The following NCALD variants were observed in gnomAD, a reference collection of about 807,000 sequenced individuals.
NCALD encodes neurocalcin delta.
In NCALD, 10 loss-of-function variants were observed where a neutral mutation model predicts 18.6. That is an observed-to-expected ratio of 0.54 (90% confidence interval 0.33 to 0.91). The LOEUF is 0.91. Ranked by LOEUF, NCALD falls within the 40% of genes least tolerant of loss-of-function variation. NCALD has a pLI of 0.03. For synonymous variants in NCALD, 88 were observed against 87.4 expected, an observed-to-expected ratio of 1.01 and a Z score of -0.04; for missense variants, 184 against 247.6, an observed-to-expected ratio of 0.74 and a Z score of 1.72.
chr8:101,896,406 A>C (rs945918809), intron 3 of NCALD, among the ~76,000 whole-genome samples: 1 of 152,148 alleles, frequency 6.6e-6, no homozygotes, highest in Non-Finnish European at 1.5e-5. Flanking sequence ...TAAAACCATA[A>C]AAACCCTAGA....
intron 2 of NCALD, among the ~76,000 whole-genome samples, chr8:101,977,237 A>G (rs1820457352): frequency 7.1e-6 from 1 of 141,414 alleles, no homozygotes; most frequent in Admixed American, 6.9e-5. Context: ...TTTTACAGTG[A>G]AAAAAAAAAG....
chr8:101,692,094 T>C, intron 3 of NCALD: 1 of 973,688 alleles, frequency 1.0e-6, no homozygotes, highest in Non-Finnish European at 1.2e-6. Context: ...TAACAACTGT[T>C]GCTGTTTATC....
In NCALD at chr8:101,742,238, A is replaced by G. The variant is rs576584056; in HGVS notation, c.-19-22590T>C. Among the ~76,000 whole-genome samples the G allele has an allele frequency of 1.0e-3, 158 of 152,246 alleles. 1 individual carries two copies. The highest frequency in any genetic ancestry group is 3.7e-3 in the African/African-American group (153 of 41,550). ...TGAGACTCTGTCTCAAAGAAAAAAA[A>G]AAAGAAAGAAAGAAAAAGGAAATTC... On this transcript the variant is annotated intron_variant, in intron 1 of 3. Transcript: ENST00000220931.
intron 4 of NCALD, among the ~76,000 whole-genome samples, chr8:101,844,623 C>T (rs1056279113): frequency 1.3e-5 from 2 of 152,010 alleles, no homozygotes; most frequent in African/African-American, 2.4e-5. Context: ...AGCCTCCCAA[C>T]GTGCTGGGAT....
At chr8:102,042,942 TC>T (rs1222067594) in intron 1 of NCALD, among the ~76,000 whole-genome samples, 1 of 151,808 alleles carries the variant, frequency 6.6e-6, no homozygotes, top group African/African-American at 2.4e-5. Context: ...AACTTCTGGC[TC>T]CCCTTATCTT....
intron 4 of NCALD, among the ~76,000 whole-genome samples, chr8:101,844,106 A>T (rs977130160): frequency 1.3e-5 from 2 of 151,996 alleles, no homozygotes; most frequent in Admixed American, 6.5e-5. Flanking sequence ...GAACATCCTG[A>T]CCTTTTCCTG....
rs764205832 is a variant in NCALD, at chr8:101,797,028, C to T, written c.-19-77380G>A. ...GCCCCTCCCTACTTTGAGTTATCCC[C>T]GCCTTTCTGGATGGAACCAATGTAC... On this transcript the variant is annotated intron_variant, in intron 4 of 6. Transcript: ENST00000311028. Among the ~76,000 whole-genome samples the T allele has an allele frequency of 6.9e-4, 105 of 152,312 alleles. 1 individual carries two copies. Among genetic ancestry groups the T allele is most frequent in the Non-Finnish European group, 2.1e-4 (14 of 68,028 alleles).
rs550446651 is a variant in NCALD at position 102,099,591 on chromosome 8, G to C, written c.-210+24646C>G. 4.0e-5 allele frequency among the ~76,000 whole-genome samples: 6 copies of C among 151,452 alleles called. No homozygotes were observed. In the South Asian group the frequency reaches 8.4e-4, roughly 21 times the overall value. On this transcript the variant is annotated intron_variant, in intron 1 of 6. Coordinates refer to the NCALD transcript ENST00000311028. ...TGAAGTTGAATTGCCATGTGCTTCTGTCAGATAATGACATTTAGGTTGATG... is the reference window on the plus strand; with the variant it reads ...TGAAGTTGAATTGCCATGTGCTTCTCTCAGATAATGACATTTAGGTTGATG...
chr8:101,740,910 A>T (rs2130691044), intron 1 of NCALD, among the ~76,000 whole-genome samples: 1 of 152,316 alleles, frequency 6.6e-6, no homozygotes, highest in Middle Eastern at 3.4e-3. Flanking sequence ...TGCTAATAAG[A>T]TAATTTAACT....
chr8:101,765,002 G>A (rs568778342), intron 1 of NCALD, among the ~76,000 whole-genome samples: 2 of 152,252 alleles, frequency 1.3e-5, no homozygotes, highest in South Asian at 4.1e-4. Context: ...GCATGTGAAG[G>A]TACCAGGCAA....
At chr8:102,041,701 T>C (rs1302189670) in intron 1 of NCALD, among the ~76,000 whole-genome samples, 3 of 152,224 alleles carry the variant, frequency 2.0e-5, no homozygotes, top group Non-Finnish European at 4.4e-5. Context: ...TCAGAACTGC[T>C]TTCTGAAAAT....
chr8:101,886,453 A>G (rs111914743), intron 4 of NCALD, among the ~76,000 whole-genome samples: 160 of 152,326 alleles, frequency 1.1e-3, no homozygotes, highest in African/African-American at 3.8e-3. Flanking sequence ...TCTAAGCCAT[A>G]TGACTTTGCC....
upstream of NCALD, among the ~76,000 whole-genome samples, chr8:101,791,769 G>A (rs977440051): frequency 6.6e-6 from 1 of 152,128 alleles, no homozygotes; most frequent in Non-Finnish European, 1.5e-5. Flanking sequence ...GGTGCCAAAT[G>A]CTCCCCTCTT....
intron 1 of NCALD, among the ~76,000 whole-genome samples, chr8:102,068,840 G>A (rs1165190081): frequency 2.0e-5 from 3 of 152,096 alleles, no homozygotes; most frequent in Non-Finnish European, 2.9e-5. Context: ...GTGGAATACT[G>A]TTCAGCCTTA....
intron 1 of NCALD, among the ~76,000 whole-genome samples, chr8:102,065,118 G>A (rs1412817118): frequency 1.3e-5 from 2 of 152,020 alleles, no homozygotes; most frequent in Non-Finnish European, 2.9e-5. Flanking sequence ...GCTGAAGCAG[G>A]AGTGGAGAAA....
chr8:101,844,199 T>C (rs77899059), intron 4 of NCALD, among the ~76,000 whole-genome samples: 1,845 of 152,294 alleles, frequency 0.012, 20 homozygotes, highest in Middle Eastern at 0.037. Flanking sequence ...AGGGTCCAAG[T>C]TACTAGTAAT....
At chr8:101,745,072 G>C (rs1810372003) in intron 1 of NCALD, among the ~76,000 whole-genome samples, 1 of 151,682 alleles carries the variant, frequency 6.6e-6, no homozygotes. Flanking sequence ...ATTTCACCGA[G>C]AACGTCCTTG....
intron 2 of NCALD, among the ~76,000 whole-genome samples, chr8:101,923,024 G>A (rs1459532097): frequency 6.6e-6 from 1 of 152,074 alleles, no homozygotes; most frequent in Non-Finnish European, 1.5e-5. Context: ...GGCTTTAAGG[G>A]GTTGATTACA....
At chr8:101,694,911 G>T (rs1472178211) in intron 2 of NCALD, among the ~76,000 whole-genome samples, 1 of 152,180 alleles carries the variant, frequency 6.6e-6, no homozygotes, top group Non-Finnish European at 1.5e-5. Context: ...TGAATATTTA[G>T]TAACAGTAGA....
Sources: gnomAD v4.1 joint callset for allele counts (sites outside exome capture counted in the v4.1 genomes callset) on GRCh38, gnomAD v4.1.1 for gene constraint, MANE v1.5 for transcripts, NCBI Gene and HGNC (gene_info 2026-07-23, HGNC 2026-07-21) for gene names.